The following GRM8 variants were observed in gnomAD, a reference collection of about 807,000 sequenced individuals.
The protein encoded by GRM8 is glutamate metabotropic receptor 8.
In GRM8, 47 loss-of-function variants were observed where a neutral mutation model predicts 87.2. The observed-to-expected ratio is 0.54, with a 90% CI of 0.43 to 0.69. The LOEUF is 0.69. Among genes scored for constraint, GRM8 ranks in the 30% least tolerant of loss-of-function variants. GRM8 has a pLI of 0.00. For missense variants in GRM8, 1,019 were observed against 1,139.2 expected, an observed-to-expected ratio of 0.89 and a Z score of 1.52; for synonymous variants, 396 against 404.5, an observed-to-expected ratio of 0.98 and a Z score of 0.25.
intron 3 of GRM8, among the ~76,000 whole-genome samples, chr7:127,038,735 T>C (rs1471410248): frequency 1.3e-5 from 2 of 152,152 alleles, no homozygotes; most frequent in Non-Finnish European, 2.9e-5. Context: ...GTGAATGACA[T>C]ACAAAACTTT....
intron 3 of GRM8, among the ~76,000 whole-genome samples, chr7:127,012,967 G>A (rs771606302): frequency 6.6e-6 from 1 of 152,132 alleles, no homozygotes; most frequent in Non-Finnish European, 1.5e-5. Flanking sequence ...CACACAGAGG[G>A]TGGCAGAGAG....
At chr7:126,520,719 AT>A (rs1354560570) in intron 9 of GRM8, among the ~76,000 whole-genome samples, 1 of 152,150 alleles carries the variant, frequency 6.6e-6, no homozygotes, top group Non-Finnish European at 1.5e-5. Context: ...TACATAAAAA[AT>A]ATATAAAATA....
intron 9 of GRM8, among the ~76,000 whole-genome samples, chr7:126,457,284 C>T (rs925960022): frequency 6.6e-6 from 1 of 151,152 alleles, no homozygotes; most frequent in Admixed American, 6.6e-5. Context: ...ATATATAAAA[C>T]ATGATACAAA....
intron 3 of GRM8, among the ~76,000 whole-genome samples, chr7:127,090,737 C>G (rs1823983968): frequency 1.3e-5 from 2 of 152,168 alleles, no homozygotes; most frequent in South Asian, 4.1e-4. Context: ...CCCCAGAACC[C>G]AGATCCCATG....
At chr7:126,439,825 AGTGTGTGT>A (rs57638512) in intron 10 of GRM8, among the ~76,000 whole-genome samples, 6 of 142,680 alleles carry the variant, frequency 4.2e-5, no homozygotes, top group East Asian at 2.2e-4. Flanking sequence ...GGCCTAGGCT[AGTGTGTGT>A]GTGTGTGTGT....
intron 3 of GRM8, among the ~76,000 whole-genome samples, chr7:126,959,638 A>C (rs923501229): frequency 1.3e-5 from 2 of 152,164 alleles, no homozygotes; most frequent in African/African-American, 4.8e-5. Flanking sequence ...ACCTGCAAAA[A>C]TTTGCTTACC....
At chr7:126,585,299 A>AGT (rs1795994496) in intron 8 of GRM8, among the ~76,000 whole-genome samples, 1 of 152,164 alleles carries the variant, frequency 6.6e-6, no homozygotes, top group African/African-American at 2.4e-5. Flanking sequence ...TAAGGCATAA[A>AGT]CCCATCTGAG....
intron 7 of GRM8, among the ~76,000 whole-genome samples, chr7:126,739,785 A>G (rs996354549): frequency 6.6e-5 from 10 of 152,092 alleles, no homozygotes; most frequent in Non-Finnish European, 1.2e-4. Context: ...TATACATAAT[A>G]CTGAATTTTT....
At chr7:126,750,140 AG>A (rs1437603848) in intron 7 of GRM8, among the ~76,000 whole-genome samples, 2 of 152,166 alleles carry the variant, frequency 1.3e-5, no homozygotes, top group African/African-American at 2.4e-5. Context: ...GCAAAAAGGG[AG>A]GTGGGCAATG....
intron 2 of GRM8, among the ~76,000 whole-genome samples, chr7:127,190,838 A>C (rs1392361236): frequency 2.0e-5 from 3 of 152,188 alleles, no homozygotes; most frequent in Non-Finnish European, 4.4e-5. Flanking sequence ...ATAATTAGTT[A>C]AATATTAGCT....
At chr7:127,180,538 C>G (rs1168955518) in intron 2 of GRM8, among the ~76,000 whole-genome samples, 2 of 151,620 alleles carry the variant, frequency 1.3e-5, no homozygotes, top group Non-Finnish European at 3.0e-5. Context: ...AGAAAAGGAC[C>G]TAACCAAAAA....
intron 6 of GRM8, among the ~76,000 whole-genome samples, chr7:126,802,634 C>A (rs1005340919): frequency 6.6e-6 from 1 of 152,168 alleles, no homozygotes; most frequent in Non-Finnish European, 1.5e-5. Flanking sequence ...GTGAACCCCA[C>A]ACCTGTGATT....
At chr7:126,943,749 C>T (rs145407982) in intron 3 of GRM8, among the ~76,000 whole-genome samples, 1 of 152,160 alleles carries the variant, frequency 6.6e-6, no homozygotes, top group Admixed American at 6.5e-5. Context: ...TTCATGTTCA[C>T]AGAACAAGTG....
intron 7 of GRM8, among the ~76,000 whole-genome samples, chr7:126,691,516 C>T (rs1808808720): frequency 6.6e-6 from 1 of 152,132 alleles, no homozygotes; most frequent in South Asian, 2.1e-4. Flanking sequence ...GCAGGGCTTC[C>T]ATCTGTTCCT....
At chr7:126,467,600 G>A (rs1462983942) in intron 9 of GRM8, among the ~76,000 whole-genome samples, 1 of 151,792 alleles carries the variant, frequency 6.6e-6, no homozygotes, top group African/African-American at 2.4e-5. Context: ...GTATTTATAA[G>A]TATAGTTAGT....
chr7:126,950,694 C>G (rs1808046865), intron 3 of GRM8, among the ~76,000 whole-genome samples: 1 of 152,132 alleles, frequency 6.6e-6, no homozygotes, highest in Admixed American at 6.5e-5. Flanking sequence ...AAGCATTTCC[C>G]ATGGCTTGTC....
intron 3 of GRM8, among the ~76,000 whole-genome samples, chr7:127,062,845 G>A (rs1309045208): frequency 6.6e-6 from 1 of 152,040 alleles, no homozygotes; most frequent in African/African-American, 2.4e-5. Flanking sequence ...TATCTGTGGG[G>A]GTCAGCAGTA....
intron 3 of GRM8, among the ~76,000 whole-genome samples, chr7:126,998,775 A>G (rs1813427354): frequency 6.6e-6 from 1 of 151,852 alleles, no homozygotes; most frequent in East Asian, 1.9e-4. Context: ...AAAAAAAATG[A>G]AGACATTCCA....
At chr7:126,747,106 T>G (rs1475191112) in intron 7 of GRM8, among the ~76,000 whole-genome samples, 1 of 151,918 alleles carries the variant, frequency 6.6e-6, no homozygotes, top group African/African-American at 2.4e-5. Flanking sequence ...TTACACTATT[T>G]TCAACATAAC....
Sources: allele counts gnomAD v4.1 joint callset (sites outside exome capture counted in the v4.1 genomes callset), GRCh38; gene constraint gnomAD v4.1.1; transcripts MANE v1.5; gene names NCBI Gene and HGNC (gene_info 2026-07-23, HGNC 2026-07-21).